The following NLGN1 variants were observed in gnomAD, a reference collection of about 807,000 sequenced individuals.
The protein encoded by NLGN1 is neuroligin 1.
A neutral mutation model predicts 65.5 loss-of-function variants in NLGN1; 12 were observed. That is an observed-to-expected ratio of 0.18 (90% CI 0.12 to 0.30). The LOEUF (loss-of-function observed/expected upper bound fraction) is 0.30. Ranked by LOEUF, NLGN1 falls within the 10% of genes least tolerant of loss-of-function variation. The pLI, the probability that NLGN1 is intolerant of heterozygous loss-of-function variation, is 1.00. For synonymous variants in NLGN1, 350 were observed against 359.5 expected, an observed-to-expected ratio of 0.97 and a Z score of 0.30; for missense variants, 750 against 1,007.1, an observed-to-expected ratio of 0.74 and a Z score of 3.46.
chr3:174,239,100 T>C (rs1383069766), intron 4 of NLGN1, among the ~76,000 whole-genome samples: 1 of 152,094 alleles, frequency 6.6e-6, no homozygotes, highest in Non-Finnish European at 1.5e-5. Flanking sequence ...GATAGAGTTT[T>C]ACTCTTGTCA....
chr3:173,431,793 A>T (rs1395100335), intron 1 of NLGN1, among the ~76,000 whole-genome samples: 1 of 152,246 alleles, frequency 6.6e-6, no homozygotes, highest in East Asian at 1.9e-4. Context: ...GATTCCATAA[A>T]TGTATCATGA....
At chr3:174,062,559 TA>T (rs964712398) in intron 4 of NLGN1, among the ~76,000 whole-genome samples, 3 of 150,656 alleles carry the variant, frequency 2.0e-5, no homozygotes, top group South Asian at 2.1e-4. Context: ...ACGTATTCTC[TA>T]AAAAAAAACA....
chr3:173,423,895 G>C (rs558941562), intron 1 of NLGN1, among the ~76,000 whole-genome samples: 1 of 152,128 alleles, frequency 6.6e-6, no homozygotes, highest in Non-Finnish European at 1.5e-5. Flanking sequence ...TTTCCCTTCC[G>C]CACTTCCGTA....
chr3:174,190,069 AGG>A (rs1732108581), intron 4 of NLGN1, among the ~76,000 whole-genome samples: 1 of 152,104 alleles, frequency 6.6e-6, no homozygotes. Flanking sequence ...AGAGTGGAAA[AGG>A]TACAACACTT....
chr3:174,246,350 A>C (rs2193745), intron 4 of NLGN1, among the ~76,000 whole-genome samples: 1 of 152,100 alleles, frequency 6.6e-6, no homozygotes, highest in African/African-American at 2.4e-5. Context: ...TTCTATACAC[A>C]TGCAAGATTT....
chr3:173,956,726 C>T (rs372931185), intron 4 of NLGN1, among the ~76,000 whole-genome samples: 5 of 152,194 alleles, frequency 3.3e-5, no homozygotes, highest in South Asian at 4.1e-4. Flanking sequence ...TCAGTGTAAA[C>T]GTTCTAAATA....
intron 4 of NLGN1, among the ~76,000 whole-genome samples, chr3:174,076,759 GTGTT>G (rs1324178241): frequency 4.7e-5 from 7 of 148,062 alleles, no homozygotes; most frequent in Admixed American, 1.3e-4. Context: ...GTGTGTGTGT[GTGTT>G]TATCCTCACA....
intron 4 of NLGN1, among the ~76,000 whole-genome samples, chr3:173,986,341 C>G (rs1719916241): frequency 6.6e-6 from 1 of 151,950 alleles, no homozygotes; most frequent in South Asian, 2.1e-4. Flanking sequence ...GTGGTGCGTG[C>G]CTGTAATCCC....
chr3:173,951,118 CG>C (rs1748121523), intron 4 of NLGN1, among the ~76,000 whole-genome samples: 1 of 152,006 alleles, frequency 6.6e-6, no homozygotes, highest in Non-Finnish European at 1.5e-5. Flanking sequence ...CCATCTGCCT[CG>C]GCCTCCCAGA....
rs545320072 is a variant in NLGN1, at chr3:173,626,922, A to G, written c.493+21831A>G. 5.3e-5 allele frequency among the ~76,000 whole-genome samples: 8 copies of G among 152,206 alleles called. No homozygotes were observed. The South Asian group carries it at 1.7e-3, about 32-fold the overall frequency. On this transcript the variant is annotated intron_variant, in intron 3 of 6. Coordinates refer to ENST00000457714, the Ensembl canonical transcript of NLGN1. ...AGCTGTTGTAAAAACTGGCAAAACTATCCTAGCAGGAGGAAAAGGTAGATT... is the reference window on the plus strand; with the variant it reads ...AGCTGTTGTAAAAACTGGCAAAACTGTCCTAGCAGGAGGAAAAGGTAGATT...
intron 3 of NLGN1, among the ~76,000 whole-genome samples, chr3:173,755,749 A>G (rs911910937): frequency 3.9e-5 from 6 of 152,252 alleles, no homozygotes; most frequent in Admixed American, 3.3e-4. Flanking sequence ...TAAAGTTGAC[A>G]CATTTTGTGT....
downstream of NLGN1, among the ~76,000 whole-genome samples, chr3:174,290,922 A>T (rs2152904637): frequency 6.6e-6 from 1 of 151,186 alleles, no homozygotes; most frequent in East Asian, 1.9e-4. Flanking sequence ...GATAAACTAA[A>T]AAACCTTAAG....
intron 2 of NLGN1, among the ~76,000 whole-genome samples, chr3:173,523,212 T>G (rs1351684203): frequency 1.3e-5 from 2 of 151,748 alleles, no homozygotes; most frequent in Non-Finnish European, 2.9e-5. Flanking sequence ...CATTGTCTGT[T>G]CACTGTGTCG....
intron 3 of NLGN1, among the ~76,000 whole-genome samples, chr3:173,725,283 G>T (rs1771582926): frequency 1.3e-5 from 2 of 152,118 alleles, no homozygotes; most frequent in African/African-American, 4.8e-5. Context: ...TATTTTATAG[G>T]TATGATACAT....
chr3:173,883,885 T>C (rs1242521334), intron 4 of NLGN1, among the ~76,000 whole-genome samples: 3 of 148,582 alleles, frequency 2.0e-5, no homozygotes, highest in African/African-American at 7.4e-5. Context: ...AGCTTAGTAA[T>C]AGGAATAGAG....
At chr3:173,684,491 C>T (rs77732080) in intron 3 of NLGN1, among the ~76,000 whole-genome samples, 1 of 152,162 alleles carries the variant, frequency 6.6e-6, no homozygotes, top group Non-Finnish European at 1.5e-5. Context: ...GTCCATTGCT[C>T]TAATTTACTT....
intron 4 of NLGN1, among the ~76,000 whole-genome samples, chr3:174,022,888 T>A (rs1046015783): frequency 6.6e-6 from 1 of 152,146 alleles, no homozygotes; most frequent in Non-Finnish European, 1.5e-5. Flanking sequence ...CTTTTAGAGC[T>A]GGGTGTTGCT....
chr3:173,527,971 G>A (rs1358179560), intron 2 of NLGN1, among the ~76,000 whole-genome samples: 4 of 152,164 alleles, frequency 2.6e-5, no homozygotes, highest in African/African-American at 9.7e-5. Context: ...ATATTGATAT[G>A]CAAGGTTTTA....
intron 4 of NLGN1, among the ~76,000 whole-genome samples, chr3:174,033,391 T>A (rs1380894154): frequency 1.3e-5 from 2 of 152,184 alleles, no homozygotes; most frequent in Admixed American, 1.3e-4. Flanking sequence ...TTCTAGTACC[T>A]GATACATATT....
Sources: allele counts gnomAD v4.1 joint callset (sites outside exome capture counted in the v4.1 genomes callset), GRCh38; gene constraint gnomAD v4.1.1; transcripts MANE v1.5; gene names NCBI Gene and HGNC (gene_info 2026-07-23, HGNC 2026-07-21).